KCNAB1: variants seen among roughly 807,000 people sequenced by gnomAD.
KCNAB1 encodes voltage-gated potassium channel subunit beta-1.
In KCNAB1, 35 loss-of-function variants were observed where a neutral mutation model predicts 64.6. That is an observed-to-expected ratio of 0.54 (90% CI 0.41 to 0.72). The LOEUF (loss-of-function observed/expected upper bound fraction) is 0.72. KCNAB1 is among the 30% of genes least tolerant of loss of function. The probability of loss-of-function intolerance (pLI) is 0.00; values close to 1 mark genes in which losing one functional copy is unlikely to be tolerated. For missense variants in KCNAB1, 401 were observed against 512.9 expected (o/e 0.78, Z 2.11); for synonymous variants, 177 against 183.8 (o/e 0.96, Z 0.30).
chr3:156,387,074 T>G (rs74502121), intron 1 of KCNAB1, among the ~76,000 whole-genome samples: 1 of 148,600 alleles, frequency 6.7e-6, no homozygotes, highest in African/African-American at 2.5e-5. Context: ...ACTTACAAAA[T>G]TTTCCTCTTC....
intron 1 of KCNAB1, among the ~76,000 whole-genome samples, chr3:156,140,099 T>C (rs1386827436): frequency 6.6e-6 from 1 of 152,214 alleles, no homozygotes; most frequent in Non-Finnish European, 1.5e-5. Context: ...TTTAAAACCT[T>C]TCTAATACTT....
At chr3:156,342,411 A>G (rs1385862192) in intron 1 of KCNAB1, among the ~76,000 whole-genome samples, 1 of 152,120 alleles carries the variant, frequency 6.6e-6, no homozygotes, top group African/African-American at 2.4e-5. Flanking sequence ...ATGCCTAGCC[A>G]TGGCCTCCAT....
rs1411814286 is a variant in KCNAB1 at position 156,537,269 on chromosome 3, A to C, written c.*522A>C. On this transcript the variant is annotated 3_prime_UTR_variant, in exon 14 of 14. Transcript: ENST00000490337. ...AAAAAAAAAGCAGTATCTTCACTCA[A>C]AAGTCTTGCTTGGAAGAATAAGCAG... is the stretch of plus-strand genomic sequence containing the variant. 1 of 388,264 alleles carries C rather than the reference A, an allele frequency of 2.6e-6. No individual in the cohort carries two copies. The highest frequency in any genetic ancestry group is 4.5e-6 in the Non-Finnish European group (1 of 220,550). 24.1% of individuals were successfully genotyped at this position (388,264 alleles called of 1,614,324 possible).
At chr3:156,385,848 G>T (rs1306431385) in intron 1 of KCNAB1, among the ~76,000 whole-genome samples, 3 of 152,102 alleles carry the variant, frequency 2.0e-5, no homozygotes, top group Admixed American at 6.6e-5. Context: ...GTTGTATTCT[G>T]CAGATTGGAT....
chr3:156,322,732 C>A (rs1255357877), intron 1 of KCNAB1, among the ~76,000 whole-genome samples: 1 of 152,172 alleles, frequency 6.6e-6, no homozygotes, highest in Non-Finnish European at 1.5e-5. Flanking sequence ...TTACCTGCTT[C>A]TGTAGAACAT....
chr3:156,328,662 G>A (rs1198071013), intron 1 of KCNAB1, among the ~76,000 whole-genome samples: 2 of 152,146 alleles, frequency 1.3e-5, no homozygotes, highest in Non-Finnish European at 2.9e-5. Flanking sequence ...TCTACTTGTA[G>A]GCCGGGTACA....
At chr3:156,440,052 T>C (rs1716883653) in intron 2 of KCNAB1, among the ~76,000 whole-genome samples, 1 of 152,236 alleles carries the variant, frequency 6.6e-6, no homozygotes, top group South Asian at 2.1e-4. Context: ...ACTTCTCTGC[T>C]CATCACTTCT....
chr3:156,218,817 A>AT (rs1235409093), intron 1 of KCNAB1, among the ~76,000 whole-genome samples: 20 of 147,652 alleles, frequency 1.4e-4, no homozygotes, highest in Non-Finnish European at 1.6e-4. Flanking sequence ...TAATAAAATA[A>AT]AATAAAAATA....
chr3:156,417,463 G>A (rs1021308152), intron 1 of KCNAB1, among the ~76,000 whole-genome samples: 4 of 152,200 alleles, frequency 2.6e-5, no homozygotes, highest in African/African-American at 9.6e-5. Flanking sequence ...TTTGCCCCAT[G>A]CATATGCTTC....
intron 1 of KCNAB1, among the ~76,000 whole-genome samples, chr3:156,273,970 T>G (rs993480012): frequency 6.6e-6 from 1 of 152,194 alleles, no homozygotes; most frequent in Admixed American, 6.5e-5. Flanking sequence ...AGGTAAGAAG[T>G]GAGTCCCATG....
At chr3:156,185,592 A>C (rs1351552678) in intron 1 of KCNAB1, among the ~76,000 whole-genome samples, 1 of 152,228 alleles carries the variant, frequency 6.6e-6, no homozygotes, top group African/African-American at 2.4e-5. Flanking sequence ...GAGAAAGATT[A>C]GTAAATTGTG....
chr3:156,328,202 G>A (rs775737858), intron 1 of KCNAB1, among the ~76,000 whole-genome samples: 1 of 152,134 alleles, frequency 6.6e-6, no homozygotes, highest in African/African-American at 2.4e-5. Context: ...AAACAAGGAC[G>A]ATGGTAAATG....
At chr3:156,286,415 T>G (rs1720101875) in intron 1 of KCNAB1, among the ~76,000 whole-genome samples, 1 of 152,222 alleles carries the variant, frequency 6.6e-6, no homozygotes, top group South Asian at 2.1e-4. Flanking sequence ...TTTTCTGTTT[T>G]GGATAAACCC....
intron 1 of KCNAB1, among the ~76,000 whole-genome samples, chr3:156,202,588 TCTCTCTG>T (rs1714407524): frequency 1.3e-5 from 2 of 152,330 alleles, no homozygotes; most frequent in South Asian, 4.1e-4. Flanking sequence ...AGAATTTCCG[TCTCTCTG>T]CTTACCCTAC....
chr3:156,240,138 CT>C (rs1457122423), intron 1 of KCNAB1, among the ~76,000 whole-genome samples: 1 of 152,144 alleles, frequency 6.6e-6, no homozygotes, highest in African/African-American at 2.4e-5. Flanking sequence ...ATAAATTTTC[CT>C]AGCTTTGGAT....
At chr3:156,274,568 G>T (rs1560169215) in intron 1 of KCNAB1, among the ~76,000 whole-genome samples, 1 of 151,892 alleles carries the variant, frequency 6.6e-6, no homozygotes. Flanking sequence ...AGATTTGAAG[G>T]TTTTAAATAA....
intron 1 of KCNAB1, among the ~76,000 whole-genome samples, chr3:156,356,068 G>C (rs1458616503): frequency 2.7e-5 from 4 of 148,820 alleles, no homozygotes; most frequent in African/African-American, 1.0e-4. Flanking sequence ...GCTACAGTGA[G>C]CCATGATCAT....
intron 11 of KCNAB1, among the ~76,000 whole-genome samples, chr3:156,517,570 G>A (rs1357486880): frequency 6.6e-6 from 1 of 152,134 alleles, no homozygotes; most frequent in African/African-American, 2.4e-5. Context: ...AGGCAAGAAG[G>A]GAGTGAAGAA....
intron 1 of KCNAB1, chr3:156,291,399 C>T (rs1005801913): frequency 2.0e-6 from 2 of 996,472 alleles, no homozygotes; most frequent in African/African-American, 1.7e-5. Flanking sequence ...GCTCCGCGCG[C>T]CAGTTGAGCA....
Sources: allele counts gnomAD v4.1 joint callset (sites outside exome capture counted in the v4.1 genomes callset), GRCh38; gene constraint gnomAD v4.1.1; transcripts MANE v1.5; gene names NCBI Gene and HGNC (gene_info 2026-07-23, HGNC 2026-07-21).